SETD5: variants seen among roughly 807,000 people sequenced by gnomAD.
SETD5 encodes the protein histone-lysine N-methyltransferase SETD5.
SETD5 carries 44 observed loss-of-function variants against 153.3 expected under a neutral mutation model. That is an observed-to-expected ratio of 0.29 (90% CI 0.23 to 0.37). The LOEUF (loss-of-function observed/expected upper bound fraction) is 0.37. SETD5 is among the 10% of genes least tolerant of loss of function. The pLI is 1.00. For synonymous variants in SETD5, 716 were observed against 645.2 expected (o/e 1.11, Z -1.66); for missense variants, 1,544 against 1,768.0 (o/e 0.87, Z 2.27).
chr3:9,402,743 G>T (rs529346835), intron 1 of SETD5, among the ~76,000 whole-genome samples: 2 of 152,164 alleles, frequency 1.3e-5, no homozygotes, highest in African/African-American at 2.4e-5. Flanking sequence ...ACAAAAAGCG[G>T]TAGCTATAGG....
In SETD5 at chr3:9,474,575, A is replaced by C; in HGVS notation, c.3624A>C (p.Lys1208Asn). 6.2e-7 allele frequency: 1 copy of C among 1,613,762 alleles called. No individual in the cohort carries two copies. Among genetic ancestry groups the C allele is most frequent in the East Asian group, 2.2e-5 (1 of 44,876 alleles). The change falls in exon 21 of 23, where the codon AAA becomes AAC. Residue 1208 changes from lysine to asparagine, a missense_variant. Lys to Asn is a moderately conservative substitution (Grantham distance 94). Transcript: ENST00000402198. ...CATGGGAGAGTAACATCACAGAGAA[A>C]GACTCAGGTGAGCCCATGGCCTTCT... ...SPTWESNITEKDSDPADGEGP... is the reference protein window; with the variant it reads ...SPTWESNITENDSDPADGEGP...
intron 1 of SETD5, among the ~76,000 whole-genome samples, chr3:9,412,059 G>A (rs1478248309): frequency 6.6e-6 from 1 of 152,122 alleles, no homozygotes; most frequent in Non-Finnish European, 1.5e-5. Flanking sequence ...AGGGTATTGT[G>A]TATGCTGACC....
Position 9,475,518 on chromosome 3 carries a change from A to G in SETD5, c.3756A>G (p.Gln1252=). 1 of 1,613,712 alleles carries G rather than the reference A, an allele frequency of 6.2e-7. No homozygotes were observed. The highest frequency in any genetic ancestry group is 8.5e-7 in the Non-Finnish European group (1 of 1,179,672). ...GTGATAGTCCTCGGACAGAATCACA[A>G]AGCCTCCTTCAGCAGAGTTCCTCCC... ...LQCDSPRTES[Q]SLLQQSSSPF... The change falls in exon 23 of 23, where the codon CAA becomes CAG. Residue 1252 remains glutamine (Q), a synonymous_variant. Coordinates refer to ENST00000402198, the MANE Select transcript of SETD5 (RefSeq NM_001080517.3).
chr3:9,464,306 T>C lies in SETD5; in HGVS notation c.2477-119T>C, dbSNP rs2044313288. The C allele has an allele frequency of 2.9e-6, 4 of 1,399,166 alleles. No homozygotes were observed. In the South Asian group the frequency reaches 5.7e-5, roughly 20 times the overall value. 86.7% of individuals were successfully genotyped at this position (1,399,166 alleles called of 1,614,324 possible). On this transcript the variant is annotated intron_variant, in intron 17 of 22. Transcript: ENST00000402198. The stretch of plus-strand genomic sequence containing the variant: ...TTTGGTTGGATTGGAGGAGATAACT[T>C]AATGGGATGAGGCAGAAAACAGTTA...
intron 1 of SETD5, among the ~76,000 whole-genome samples, chr3:9,420,515 G>A (rs537583794): frequency 6.4e-4 from 97 of 152,096 alleles, no homozygotes; most frequent in Non-Finnish European, 1.2e-3. Context: ...TTAGGCAAAG[G>A]AATCAAGGAA....
rs779530412 is a variant in SETD5, at chr3:9,443,328, T to C, written c.1098T>C (p.Asp366=). The change falls in exon 11 of 23, where the codon GAT becomes GAC. Residue 366 remains aspartate (D), a synonymous_variant. Coordinates refer to ENST00000402198, the MANE Select transcript of SETD5 (RefSeq NM_001080517.3). ...CACAGGTGCGACACATGATTGCAGATGGGATGATTCACCTGTGCATCTATG... is the reference window on the plus strand; with the variant it reads ...CACAGGTGCGACACATGATTGCAGACGGGATGATTCACCTGTGCATCTATG... ...PNAEVRHMIA[D]GMIHLCIYAV... 3 of 1,550,818 alleles carry C rather than the reference T, an allele frequency of 1.9e-6. No homozygotes were observed. Among genetic ancestry groups the C allele is most frequent in the Non-Finnish European group, 2.6e-6 (3 of 1,148,526 alleles).
intron 1 of SETD5, among the ~76,000 whole-genome samples, chr3:9,401,051 A>G (rs563398853): frequency 7.2e-5 from 11 of 152,350 alleles, no homozygotes; most frequent in Admixed American, 2.6e-4. Context: ...ACAAACATCT[A>G]TAATTTGTAG....
At chr3:9,429,882 GA>G (rs1406609031) in intron 3 of SETD5, 1 of 1,303,860 alleles carries the variant, frequency 7.7e-7, no homozygotes, top group Non-Finnish European at 1.0e-6. Context: ...ACCAGGATGT[GA>G]AAGTCCAGCG....
chr3:9,436,106 G>A (rs922782355), intron 7 of SETD5, among the ~76,000 whole-genome samples, 200 bp downstream of exon 7: 1 of 152,022 alleles, frequency 6.6e-6, no homozygotes, highest in East Asian at 1.9e-4. Context: ...ATCACCACTG[G>A]CTCAAAGTTT....
intron 16 of SETD5, among the ~76,000 whole-genome samples, chr3:9,451,888 A>G (rs974399375): frequency 6.6e-6 from 1 of 152,218 alleles, no homozygotes; most frequent in Non-Finnish European, 1.5e-5. Context: ...ATTTTAATAG[A>G]GGTTCAGAGA....
intron 1 of SETD5, among the ~76,000 whole-genome samples, chr3:9,402,238 G>C (rs887102222): frequency 6.6e-6 from 1 of 152,114 alleles, no homozygotes; most frequent in African/African-American, 2.4e-5. Context: ...CATTACATTG[G>C]AGAGAATTCC....
Position 9,434,419 on chromosome 3 carries a change from C to A in SETD5, c.263C>A (p.Thr88Asn), listed in dbSNP as rs371529347. ...GACAGCCCGAACTCTGAAGGAGAAA[C>A]TGTACCTACCTGGTGTCCTTGTGGT... ...CGDSPNSEGE[T>N]VPTWCPCGLS... The change falls in exon 5 of 23, where the codon ACT becomes AAT. Residue 88 changes from threonine (T) to asparagine (N), a missense_variant. This residue lies in a region of SETD5 where 251 missense variants were observed against 326.9 expected (regional missense o/e 0.77). Transcript: ENST00000402198. This position sits in a 1 kb window ranked among gnomAD's most constrained non-coding sequence, Gnocchi z 5.6. 5.1e-5 allele frequency: 82 copies of A among 1,613,858 alleles called. No individual in the cohort carries two copies. Among genetic ancestry groups the A allele is most frequent in the Non-Finnish European group, 6.6e-5 (78 of 1,179,910 alleles).
At chr3:9,420,448 T>A (rs570617351) in intron 1 of SETD5, among the ~76,000 whole-genome samples, 32 of 152,312 alleles carry the variant, frequency 2.1e-4, no homozygotes, top group Admixed American at 1.8e-3. Flanking sequence ...AACTTAGATT[T>A]CTTATAGACA....
intron 13 of SETD5, among the ~76,000 whole-genome samples, chr3:9,446,334 CA>C (rs1334654373): frequency 6.7e-6 from 1 of 148,546 alleles, no homozygotes; most frequent in African/African-American, 2.5e-5. Context: ...ACTGGCTGGT[CA>C]GAATCAAAAT....
chr3:9,421,839 T>G (rs2038457304), intron 1 of SETD5, among the ~76,000 whole-genome samples: 1 of 152,200 alleles, frequency 6.6e-6, no homozygotes, highest in Non-Finnish European at 1.5e-5. Context: ...TCTGTTCATT[T>G]TCGTTATTTA....
intron 1 of SETD5, among the ~76,000 whole-genome samples, chr3:9,414,913 C>T (rs1286257752): frequency 6.6e-6 from 1 of 151,388 alleles, no homozygotes; most frequent in African/African-American, 2.4e-5. Flanking sequence ...AACTATTTTA[C>T]TCAGGAAAAA....
chr3:9,467,012 G>T (rs1489679890), intron 18 of SETD5, among the ~76,000 whole-genome samples: 1 of 151,906 alleles, frequency 6.6e-6, no homozygotes, highest in Admixed American at 6.6e-5. Flanking sequence ...CTGGGCAACA[G>T]TGAGATCCCA....
intron 1 of SETD5, 96 bp from the exon 2 acceptor site, chr3:9,424,371 C>T (rs2124964690): frequency 6.6e-6 from 1 of 152,258 alleles, no homozygotes; most frequent in Admixed American, 6.5e-5. Flanking sequence ...ATAAACAAGA[C>T]AGTATACAGA....
chr3:9,462,882 A>G (rs965588806), intron 17 of SETD5, among the ~76,000 whole-genome samples: 1 of 152,136 alleles, frequency 6.6e-6, no homozygotes, highest in African/African-American at 2.4e-5. Context: ...ATATTTCACA[A>G]TAAAGCACAT....
Sources: allele counts gnomAD v4.1 joint callset (sites outside exome capture counted in the v4.1 genomes callset), GRCh38; gene constraint gnomAD v4.1.1; regional missense constraint gnomAD v4.1.1; non-coding constraint Gnocchi (gnomAD v3.1); transcripts MANE v1.5; gene names NCBI Gene and HGNC (gene_info 2026-07-23, HGNC 2026-07-21).